Variants in NDRG4 observed in about 807,000 individuals in gnomAD.
The protein encoded by NDRG4 is protein NDRG4.
NDRG4 carries 38 observed loss-of-function variants against 55.8 expected under a neutral mutation model. The ratio of observed to expected loss-of-function variants is 0.68; its 90% CI spans 0.53 to 0.89. The LOEUF (loss-of-function observed/expected upper bound fraction) is 0.89. Among genes scored for constraint, NDRG4 ranks in the 40% least tolerant of loss-of-function variants. The pLI is 0.00. For missense variants in NDRG4, 455 were observed against 468.6 expected (o/e 0.97, Z 0.27); for synonymous variants, 190 against 182.7 (o/e 1.04, Z -0.32).
chr16:58,464,111 A>C lies in NDRG4; in HGVS notation c.-24+314A>C. 2.4e-5 allele frequency: 7 copies of C among 288,434 alleles called. No individual in the cohort carries two copies. Among genetic ancestry groups the C allele is most frequent in the East Asian group, 5.7e-5 (1 of 17,518 alleles). The allele number at this position is 288,434 out of a possible 1,614,324, so 17.9% of individuals were successfully genotyped here. On this transcript the variant is annotated intron_variant, in intron 1 of 15. Coordinates refer to the NDRG4 transcript ENST00000258187. The surrounding 1 kb of genome is among the most constrained non-coding windows in gnomAD (Gnocchi z 4.8). ...GGGTCTCTTTGTTCGGGCGGCGGGC[A>C]CGGGGGACCACCTCCCACGGTGTCA...
chr16:58,496,332 C>A (rs1167473905), upstream of NDRG4, among the ~76,000 whole-genome samples: 1 of 152,124 alleles, frequency 6.6e-6, no homozygotes, highest in Non-Finnish European at 1.5e-5. Context: ...CCCCGGTTCT[C>A]AGGATCCTCT....
At chr16:58,494,069 A>G (rs2036110135) in intron 2 of NDRG4, among the ~76,000 whole-genome samples, 1 of 152,102 alleles carries the variant, frequency 6.6e-6, no homozygotes, top group South Asian at 2.1e-4. Flanking sequence ...CTCTCCCCTC[A>G]TCGGTGAAGC....
intron 1 of NDRG4, among the ~76,000 whole-genome samples, chr16:58,466,015 T>C (rs2031596675): frequency 6.6e-6 from 1 of 151,644 alleles, no homozygotes; most frequent in South Asian, 2.1e-4. Context: ...CATGGGTGTT[T>C]TGTTTGTTTG....
At chr16:58,502,244 G>C (rs78073996) in intron 1 of NDRG4, 3 of 340,954 alleles carry the variant, frequency 8.8e-6, no homozygotes, top group Non-Finnish European at 1.2e-5. Flanking sequence ...GGTCAGTGGC[G>C]GGGAAGTGTT....
Position 58,509,374 on chromosome 16 carries a change from C to A in NDRG4, c.865+22C>A, listed in dbSNP as rs112146675. On this transcript the variant is annotated intron_variant, in intron 13 of 14. Transcript: ENST00000570248. ...TACAGTGAGTACATTTCCACCCCAC[C>A]CCACACCACCTAGAGACCGGTGGGC... 8 of 1,611,564 alleles carry A rather than the reference C, an allele frequency of 5.0e-6. No individual in the cohort carries two copies. In the African/African-American group the frequency reaches 8.0e-5, roughly 16 times the overall value.
At chr16:58,507,764 C>T (rs1215366398) in intron 8 of NDRG4, 44 bp from the exon 9 acceptor site, 18 of 1,597,296 alleles carry the variant, frequency 1.1e-5, no homozygotes, top group Non-Finnish European at 1.5e-5. Context: ...TCATCCTGTC[C>T]TGGGGTGCCC....
rs1186302492 is a variant in NDRG4, at chr16:58,511,600, C to A, written c.*24C>A. On this transcript the variant is annotated 3_prime_UTR_variant, in exon 15 of 15. Transcript: ENST00000570248. ...GAAGCCCTTGATCCCGCTGACGACG[C>A]CCACGTCGAGGCCCCACCGCCATCC... 2 of 1,612,804 alleles carry A rather than the reference C, an allele frequency of 1.2e-6. No individual in the cohort carries two copies. Among genetic ancestry groups the A allele is most frequent in the South Asian group, 2.2e-5 (2 of 91,094 alleles).
intron 8 of NDRG4, chr16:58,507,306 G>T: frequency 2.2e-6 from 1 of 464,756 alleles, no homozygotes; most frequent in Non-Finnish European, 3.9e-6. Flanking sequence ...CAGTAACCCA[G>T]CCTTGATGTT....
rs182835912 is a variant in NDRG4 at position 58,505,088 on chromosome 16, A to G, written c.372+439A>G. Among the ~76,000 whole-genome samples the G allele has an allele frequency of 4.4e-3, 669 of 152,284 alleles. 2 individuals are homozygous for G. Among genetic ancestry groups the G allele is most frequent in the African/African-American group, 0.012 (501 of 41,552 alleles). On this transcript the variant is annotated intron_variant, in intron 5 of 14. Coordinates refer to ENST00000570248, the MANE Select transcript of NDRG4 (RefSeq NM_001242835.2). ...AAAAACATCATTGTCGGTGGCTCAC[A>G]CCTGTAATCCCAGCACTTTGGGAGG...
intron 1 of NDRG4, among the ~76,000 whole-genome samples, chr16:58,486,175 C>A (rs187169423): frequency 2.0e-5 from 3 of 152,076 alleles, no homozygotes; most frequent in Admixed American, 1.3e-4. Flanking sequence ...TTCATTCATT[C>A]ATTTGAGACA....
At chr16:58,500,075 C>T (rs1203069247), upstream of NDRG4, 1 of 1,481,616 alleles carries the variant, frequency 6.7e-7, no homozygotes, top group Non-Finnish European at 9.0e-7. Flanking sequence ...AGAAACCCTG[C>T]GGGGAGGAGG....
At position 58,509,275 on chromosome 16, in the gene NDRG4, G is replaced by C. The variant is rs538588728; in HGVS notation, c.814-26G>C. 1.7e-5 allele frequency: 27 copies of C among 1,614,028 alleles called. 1 individual carries two copies. The highest frequency in any genetic ancestry group is 1.6e-4 in the African/African-American group (12 of 75,056). On this transcript the variant is annotated intron_variant, in intron 12 of 14. Coordinates refer to ENST00000570248, the MANE Select transcript of NDRG4 (RefSeq NM_001242835.2). Reference sequence around the variant, plus strand: ...TGCTAATCCTAGGCAGCCAATGAAAGCATGTGCTTGTCCTGCCCTCCGCAG... The same window carrying C: ...TGCTAATCCTAGGCAGCCAATGAAACCATGTGCTTGTCCTGCCCTCCGCAG...
At chr16:58,506,680 G>A in intron 7 of NDRG4, 66 bp downstream of exon 7, 1 of 1,513,158 alleles carries the variant, frequency 6.6e-7, no homozygotes, top group Non-Finnish European at 8.9e-7. Flanking sequence ...TGGCTCGGTA[G>A]GAGGCAGGCG....
At chr16:58,483,645 C>T (rs1217761671) in intron 1 of NDRG4, among the ~76,000 whole-genome samples, 1 of 152,192 alleles carries the variant, frequency 6.6e-6, no homozygotes, top group Non-Finnish European at 1.5e-5. Context: ...TATCCTCTAA[C>T]AGAAACAAGA....
intron 1 of NDRG4, among the ~76,000 whole-genome samples, chr16:58,483,270 G>A (rs964933520): frequency 1.3e-5 from 2 of 152,068 alleles, no homozygotes; most frequent in African/African-American, 2.4e-5. Flanking sequence ...CAGAGGGTTC[G>A]CCTGGCCGGG....
At chr16:58,481,530 A>G (rs1361215525) in intron 1 of NDRG4, among the ~76,000 whole-genome samples, 2 of 152,134 alleles carry the variant, frequency 1.3e-5, no homozygotes, top group African/African-American at 4.8e-5. Flanking sequence ...GCTCAACCCA[A>G]GGAAAAAGCA....
intron 1 of NDRG4, chr16:58,472,261 G>A (rs2032961279): frequency 6.6e-6 from 1 of 152,344 alleles, no homozygotes; most frequent in African/African-American, 2.4e-5. Context: ...AGTTGTCAGA[G>A]ATGACCCAGA....
At chr16:58,490,168 G>A (rs920842078) in intron 2 of NDRG4, among the ~76,000 whole-genome samples, 2 of 152,214 alleles carry the variant, frequency 1.3e-5, no homozygotes, top group African/African-American at 4.8e-5. Context: ...AGGCATGAAA[G>A]CAGAGTTCTC....
At chr16:58,514,836 A>G (rs2039067406), downstream of NDRG4, among the ~76,000 whole-genome samples, 3 of 151,124 alleles carry the variant, frequency 2.0e-5, 1 homozygote, top group Admixed American at 2.0e-4. Flanking sequence ...TGTAACCTCT[A>G]TATTCACAGC....
Sources: allele counts gnomAD v4.1 joint callset (sites outside exome capture counted in the v4.1 genomes callset), GRCh38; gene constraint gnomAD v4.1.1; non-coding constraint Gnocchi (gnomAD v3.1); transcripts MANE v1.5; gene names NCBI Gene and HGNC (gene_info 2026-07-23, HGNC 2026-07-21).